SZT2: variants seen among roughly 807,000 people sequenced by gnomAD.
The protein encoded by SZT2 is KICSTOR complex protein SZT2.
SZT2 carries 216 observed loss-of-function variants against 404.2 expected under a neutral mutation model. The observed-to-expected ratio is 0.53, with a 90% CI of 0.48 to 0.60. The LOEUF is 0.60. Among genes scored for constraint, SZT2 ranks in the 20% least tolerant of loss-of-function variants. SZT2 has a pLI of 0.00. For synonymous variants in SZT2, 1,693 were observed against 1,749.9 expected, an observed-to-expected ratio of 0.97 and a Z score of 0.81; for missense variants, 3,857 against 4,459.2, an observed-to-expected ratio of 0.86 and a Z score of 3.85.
Position 43,439,253 on chromosome 1 carries a change from A to G in SZT2, c.6793-105A>G. ...CATTATTACCCGCCTGTGTCTTCTC[A>G]TGCTCCCATATCTACCTGCACCACA... On this transcript the variant is annotated intron_variant, in intron 48 of 71. Coordinates refer to ENST00000634258, the MANE Select transcript of SZT2 (RefSeq NM_001365999.1). This position sits in a 1 kb window ranked among gnomAD's most constrained non-coding sequence, Gnocchi z 4.2. The G allele has an allele frequency of 1.3e-6, 2 of 1,524,124 alleles. No homozygotes were observed. Among genetic ancestry groups the G allele is most frequent in the Non-Finnish European group, 1.8e-6 (2 of 1,102,878 alleles). The allele number at this position is 1,524,124 out of a possible 1,614,324, so 94.4% of individuals were successfully genotyped here. A position where few individuals can be genotyped will look rare whatever the true frequency, so the allele number is the denominator to read the frequency against.
In SZT2 at chr1:43,420,335, T is replaced by G. The variant is rs749647551; in HGVS notation, c.1261+12T>G. ...CACACTGGCCAAAGGTAAGGGTCAT[T>G]AGGCCCTGCTGTAATCCCATAGATC... On this transcript the variant is annotated intron_variant, in intron 9 of 71. Transcript: ENST00000634258. This position sits in a 1 kb window ranked among gnomAD's most constrained non-coding sequence, Gnocchi z 5.1. The G allele has an allele frequency of 4.5e-6, 7 of 1,568,968 alleles. No homozygotes were observed. In the South Asian group the frequency reaches 6.8e-5, roughly 15 times the overall value.
intron 7 of SZT2, among the ~76,000 whole-genome samples, chr1:43,418,871 A>AG (rs899835044): frequency 5.9e-5 from 9 of 152,182 alleles, no homozygotes; most frequent in African/African-American, 2.2e-4. Context: ...GAGGAAGCTA[A>AG]GGGAATAGTG....
intron 4 of SZT2, among the ~76,000 whole-genome samples, chr1:43,414,368 A>G (rs543021116): frequency 3.3e-4 from 51 of 152,296 alleles, no homozygotes; most frequent in Admixed American, 9.8e-4. Context: ...TCCTGTATCA[A>G]AATATCTCAT....
At position 43,437,895 on chromosome 1, in the gene SZT2, G is replaced by C; in HGVS notation, c.6501G>C (p.Gly2167=). ...RHIQLLVHGV[G]QAGPEITDEL... ...TCCAGCTGCTGGTCCATGGTGTTGG[G>C]CAGGCAGGTAAGGTCTGAGGAGGGG... is the stretch of plus-strand genomic sequence containing the variant. The change falls in exon 46 of 72, where the codon GGG becomes GGC. Residue 2167 remains glycine (G), a synonymous_variant. Coordinates refer to ENST00000634258, the MANE Select transcript of SZT2 (RefSeq NM_001365999.1). The surrounding 1 kb of genome is among the most constrained non-coding windows in gnomAD (Gnocchi z 5.3). 1 of 1,614,152 alleles carries C rather than the reference G, an allele frequency of 6.2e-7. No homozygotes were observed. Among genetic ancestry groups the C allele is most frequent in the Non-Finnish European group, 8.5e-7 (1 of 1,180,018 alleles).
chr1:43,420,740 C>A lies in SZT2; in HGVS notation c.1262-9C>A. 6.3e-7 allele frequency: 1 copy of A among 1,597,856 alleles called. No homozygotes were observed. Among genetic ancestry groups the A allele is most frequent in the South Asian group, 1.1e-5 (1 of 91,066 alleles). On this transcript the variant is annotated splice_polypyrimidine_tract_variant and intron_variant, in intron 9 of 71. Coordinates refer to ENST00000634258, the MANE Select transcript of SZT2 (RefSeq NM_001365999.1). The surrounding 1 kb of genome is among the most constrained non-coding windows in gnomAD (Gnocchi z 5.1). ...CTTCTCCTAACTGGCCCTTCCGCTTCTCCCTAAGGAGGGTCCCAATTGGAG... is the reference window on the plus strand; with the variant it reads ...CTTCTCCTAACTGGCCCTTCCGCTTATCCCTAAGGAGGGTCCCAATTGGAG...
At position 43,424,937 on chromosome 1, in the gene SZT2, T is replaced by C. The variant is rs761389676; in HGVS notation, c.2550+75T>C. ...CAGGGACACTCACCTCTGAGCTGGGTTGGGACTGCTGGAAACTGCCTCACA... is the reference window on the plus strand; with the variant it reads ...CAGGGACACTCACCTCTGAGCTGGGCTGGGACTGCTGGAAACTGCCTCACA... On this transcript the variant is annotated intron_variant, in intron 17 of 71. Coordinates refer to ENST00000634258, the MANE Select transcript of SZT2 (RefSeq NM_001365999.1). The surrounding 1 kb of genome is among the most constrained non-coding windows in gnomAD (Gnocchi z 4.1). 102 of 1,545,172 alleles carry C rather than the reference T, an allele frequency of 6.6e-5. No individual in the cohort carries two copies. The highest frequency in any genetic ancestry group is 1.2e-4 in the Admixed American group (7 of 59,548).
intron 13 of SZT2, 62 bp from the exon 14 acceptor site, chr1:43,422,707 C>A: frequency 7.5e-7 from 1 of 1,333,164 alleles, no homozygotes; most frequent in Non-Finnish European, 9.8e-7. Context: ...CCCTCTAACC[C>A]CAGACCTCAC....
chr1:43,419,705 C>G, intron 7 of SZT2, 29 bp from the exon 8 acceptor site: 1 of 1,569,596 alleles, frequency 6.4e-7, no homozygotes, highest in East Asian at 2.2e-5. Context: ...TCTGTCAGAG[C>G]TAGGTCTTCA....
chr1:43,452,216 C>G lies in SZT2; in HGVS notation c.*1736C>G. On this transcript the variant is annotated 3_prime_UTR_variant, in exon 72 of 72. Coordinates refer to ENST00000634258, the MANE Select transcript of SZT2 (RefSeq NM_001365999.1). ...TCCACCTTTCTCACCTGAGCCAAAA[C>G]CCCAGCTGCATGCCTCAGGTTCTCC... 5 of 1,612,944 alleles carry G rather than the reference C, an allele frequency of 3.1e-6. No individual in the cohort carries two copies. The highest frequency in any genetic ancestry group is 8.5e-7 in the Non-Finnish European group (1 of 1,179,330).
At chr1:43,404,007 C>A in intron 3 of SZT2, 1 of 557,356 alleles carries the variant, frequency 1.8e-6, no homozygotes, top group South Asian at 2.5e-5. Context: ...CTCAGGAGTT[C>A]GAGACTAGCC....
At chr1:43,446,158 C>T (rs1258575063) in intron 63 of SZT2, 21 bp from the exon 64 acceptor site, 1 of 1,613,886 alleles carries the variant, frequency 6.2e-7, no homozygotes, top group Non-Finnish European at 8.5e-7. Context: ...CCAAACCTTG[C>T]CCCCTTTTTT....
chr1:43,411,196 A>G (rs1221692848), intron 4 of SZT2, among the ~76,000 whole-genome samples: 3 of 152,342 alleles, frequency 2.0e-5, no homozygotes, highest in South Asian at 2.1e-4. Flanking sequence ...TAGAGGATCT[A>G]CAGGGAACTT....
At position 43,430,554 on chromosome 1, in the gene SZT2, C is replaced by A; in HGVS notation, c.4539C>A (p.Tyr1513Ter). Residue 1513 changes from tyrosine to a stop codon, truncating the protein, a stop_gained, in exon 32 of 72, where the codon TAC becomes TAA. Coordinates refer to ENST00000634258, the MANE Select transcript of SZT2 (RefSeq NM_001365999.1). LOFTEE classifies it high-confidence loss of function. ...GTGACCCAGAGCTAGAGGTAGAATA[C>A]CGGGAGAGCCGTGAATCAGACCTGG... ...TESDPELEVE[Y>*]RESRESDLGP... 3 of 1,614,212 alleles carry A rather than the reference C, an allele frequency of 1.9e-6. No individual in the cohort carries two copies. The highest frequency in any genetic ancestry group is 2.5e-6 in the Non-Finnish European group (3 of 1,180,038).
In SZT2 at chr1:43,451,273, A is replaced by G; in HGVS notation, c.*793A>G. ...GCCTCTGGGTGGCCCCGCCTATCCC[A>G]GTATGAACGTAGCCAACTCAAGCCC... On this transcript the variant is annotated 3_prime_UTR_variant, in exon 72 of 72. Transcript: ENST00000634258. 1.2e-6 allele frequency: 2 copies of G among 1,613,830 alleles called. No individual in the cohort carries two copies. The highest frequency in any genetic ancestry group is 1.3e-5 in the African/African-American group (1 of 75,048).
rs1174468359 is a variant in SZT2 at position 43,442,246 on chromosome 1, G to A, written c.7874-22G>A. ...GGGGATCTGTTCCCAGGCCCCTATT[G>A]TGCCCCTCCCCCACCCTGTAGCTGC... On this transcript the variant is annotated intron_variant, in intron 56 of 71. Coordinates refer to ENST00000634258, the MANE Select transcript of SZT2 (RefSeq NM_001365999.1). The surrounding 1 kb of genome is among the most constrained non-coding windows in gnomAD (Gnocchi z 4.5). 1.2e-6 allele frequency: 2 copies of A among 1,608,310 alleles called. No homozygotes were observed. Among genetic ancestry groups the A allele is most frequent in the African/African-American group, 1.3e-5 (1 of 74,844 alleles).
chr1:43,425,005 T>G lies in SZT2; in HGVS notation c.2551-108T>G. ...GGATGCTCAAGGTCTGAGGCTGCAG[T>G]CATAGGACAATTTGGTGAGGGAACT... is the stretch of plus-strand genomic sequence containing the variant. On this transcript the variant is annotated intron_variant, in intron 17 of 71. Coordinates refer to ENST00000634258, the MANE Select transcript of SZT2 (RefSeq NM_001365999.1). The surrounding 1 kb of genome is among the most constrained non-coding windows in gnomAD (Gnocchi z 4.3). The G allele has an allele frequency of 6.5e-7, 1 of 1,530,526 alleles. No individual in the cohort carries two copies. Among genetic ancestry groups the G allele is most frequent in the Admixed American group, 1.7e-5 (1 of 59,574 alleles). The allele number at this position is 1,530,526 out of a possible 1,614,324, so 94.8% of individuals were successfully genotyped here.
chr1:43,391,314 C>CAA (rs1362276058), intron 1 of SZT2, among the ~76,000 whole-genome samples: 1 of 125,940 alleles, frequency 7.9e-6, no homozygotes, highest in Non-Finnish European at 1.7e-5. Flanking sequence ...AACTCCGTCT[C>CAA]AAAAAAAAAA....
chr1:43,447,218 G>C, intron 66 of SZT2, 50 bp downstream of exon 66: 2 of 1,554,072 alleles, frequency 1.3e-6, no homozygotes, highest in Non-Finnish European at 1.7e-6. Flanking sequence ...CAGGCCACAG[G>C]TGCCTCCAGG....
chr1:43,402,544 G>A (rs879490082), intron 1 of SZT2, among the ~76,000 whole-genome samples: 3 of 152,236 alleles, frequency 2.0e-5, no homozygotes, highest in Non-Finnish European at 4.4e-5. Flanking sequence ...AGATTTGACA[G>A]GACATGTGTA....
Sources: allele counts gnomAD v4.1 joint callset (sites outside exome capture counted in the v4.1 genomes callset), GRCh38; gene constraint gnomAD v4.1.1; non-coding constraint Gnocchi (gnomAD v3.1); transcripts MANE v1.5; gene names NCBI Gene and HGNC (gene_info 2026-07-23, HGNC 2026-07-21).